GCC2: variants seen among roughly 807,000 people sequenced by gnomAD.
The protein encoded by GCC2 is GRIP and coiled-coil domain containing 2.
A neutral mutation model predicts 210.6 loss-of-function variants in GCC2; 120 were observed. The ratio of observed to expected loss-of-function variants is 0.57; its 90% CI spans 0.49 to 0.66. The LOEUF is 0.66. Ranked by LOEUF, GCC2 falls within the 30% of genes least tolerant of loss-of-function variation. The pLI is 0.00. For missense variants in GCC2, 1,868 were observed against 1,871.9 expected, an observed-to-expected ratio of 1.00 and a Z score of 0.04; for synonymous variants, 703 against 652.7, an observed-to-expected ratio of 1.08 and a Z score of -1.17.
In GCC2 at chr2:108,497,611, T is replaced by C. The variant is rs1438391018; in HGVS notation, c.4782+502T>C. Among the ~76,000 whole-genome samples, 3 of 152,218 alleles carry C rather than the reference T, an allele frequency of 2.0e-5. No individual in the cohort carries two copies. The East Asian group carries it at 5.8e-4, about 29-fold the overall frequency. On this transcript the variant is annotated intron_variant, in intron 21 of 22. Transcript: ENST00000309863. The stretch of plus-strand genomic sequence containing the variant: ...ATTTAAATTATTCAACTGATATTTA[T>C]AGTACTGAACTACTAAACAGTTTTC...
rs1483652197 is a variant in GCC2 at position 108,485,902 on chromosome 2, CTA to C, written c.3789_3790del (p.Tyr1263Ter). ...AGGCAAGCCAGCAGCAAGTAGAAGTCTATAAAGTAAGGGTTTTACTTTTTAAG... is the reference window on the plus strand; with the variant it reads ...AGGCAAGCCAGCAGCAAGTAGAAGTCTAAAGTAAGGGTTTTACTTTTTAAG... ...LEASQQQVEV[Y>X]KIQLAEITSE... On this transcript the variant is annotated frameshift_variant, in exon 15 of 23. Coordinates refer to ENST00000309863, the MANE Select transcript of GCC2 (RefSeq NM_181453.4). LOFTEE classifies it high-confidence loss of function. 1 of 1,541,822 alleles carries C rather than the reference CTA, an allele frequency of 6.5e-7. No homozygotes were observed. The highest frequency in any genetic ancestry group is 8.8e-7 in the Non-Finnish European group (1 of 1,130,208).
chr2:108,463,819 T>A (rs1680727960), intron 4 of GCC2, among the ~76,000 whole-genome samples: 1 of 152,062 alleles, frequency 6.6e-6, no homozygotes, highest in South Asian at 2.1e-4. Context: ...TCAGCATTGG[T>A]TTTGGCAGTG....
At chr2:108,461,829 TC>T (rs1558732576) in intron 4 of GCC2, among the ~76,000 whole-genome samples, 3 of 136,452 alleles carry the variant, frequency 2.2e-5, no homozygotes, top group Admixed American at 7.0e-5. Context: ...TTTTTTTTTT[TC>T]TTTTTCTTTT....
At chr2:108,456,594 A>G (rs1321187724) in intron 4 of GCC2, among the ~76,000 whole-genome samples, 1 of 152,074 alleles carries the variant, frequency 6.6e-6, no homozygotes, top group Non-Finnish European at 1.5e-5. Context: ...TATTAGTCCC[A>G]TATTGGATGA....
intron 4 of GCC2, among the ~76,000 whole-genome samples, chr2:108,454,945 T>C (rs1045526351): frequency 6.7e-6 from 1 of 148,452 alleles, no homozygotes; most frequent in East Asian, 2.0e-4. Context: ...CAGGCTGGAG[T>C]GCAGTGGCGT....
intron 16 of GCC2, among the ~76,000 whole-genome samples, chr2:108,486,892 A>G (rs564922835): frequency 5.8e-4 from 88 of 152,328 alleles, no homozygotes; most frequent in African/African-American, 2.1e-3. Flanking sequence ...TTGTTTTGCA[A>G]TTTATGTGTC....
chr2:108,456,104 C>T (rs778537442), intron 4 of GCC2, among the ~76,000 whole-genome samples: 2 of 152,166 alleles, frequency 1.3e-5, no homozygotes, highest in African/African-American at 4.8e-5. Context: ...TCTGCCTCAG[C>T]GTCCTGAGTA....
intron 22 of GCC2, among the ~76,000 whole-genome samples, chr2:108,504,103 C>G (rs1459433003): frequency 2.0e-5 from 3 of 151,804 alleles, no homozygotes; most frequent in Non-Finnish European, 4.4e-5. Flanking sequence ...GCCTGGACAA[C>G]AGAGTAAAAC....
chr2:108,475,644 A>C lies in GCC2; in HGVS notation c.2961+9A>C, dbSNP rs1038473881. The C allele has an allele frequency of 1.3e-6, 2 of 1,512,680 alleles. No individual in the cohort carries two copies. Among genetic ancestry groups the C allele is most frequent in the South Asian group, 1.2e-5 (1 of 81,584 alleles). 93.7% of individuals were successfully genotyped at this position (1,512,680 alleles called of 1,614,324 possible). Reference sequence around the variant, plus strand: ...ATTCCAGCAGAAAAGAGGTGAGCTGACTTTAAAAATGTAAGATTCCGGAAT... The same window carrying C: ...ATTCCAGCAGAAAAGAGGTGAGCTGCCTTTAAAAATGTAAGATTCCGGAAT... On this transcript the variant is annotated intron_variant, in intron 8 of 22. Coordinates refer to ENST00000309863, the MANE Select transcript of GCC2 (RefSeq NM_181453.4).
Position 108,492,559 on chromosome 2 carries a change from T to A in GCC2, c.4230-14T>A. 6.4e-7 allele frequency: 1 copy of A among 1,550,680 alleles called. No individual in the cohort carries two copies. Among genetic ancestry groups the A allele is most frequent in the Admixed American group, 1.7e-5 (1 of 59,888 alleles). On this transcript the variant is annotated splice_polypyrimidine_tract_variant and intron_variant, in intron 18 of 22. Transcript: ENST00000309863. ...GTTGAAAGATCTTCTGTAACTAAGT[T>A]TCTCATCTTTCAGATTGTGTTCAAT...
rs1381476416 is a variant in GCC2, at chr2:108,508,689, C to T, written c.*1059C>T. 1 of 152,408 alleles carries T rather than the reference C, an allele frequency of 6.6e-6. No homozygotes were observed. The highest frequency in any genetic ancestry group is 1.5e-5 in the Non-Finnish European group (1 of 68,006). 9.4% of individuals were successfully genotyped at this position (152,408 alleles called of 1,614,324 possible). A position where few individuals can be genotyped will look rare whatever the true frequency, so the allele number is the denominator to read the frequency against. On this transcript the variant is annotated 3_prime_UTR_variant, in exon 23 of 23. Coordinates refer to ENST00000309863, the MANE Select transcript of GCC2 (RefSeq NM_181453.4). ...TTTCCATCAGAAGGGATTTTAGACA[C>T]CTTAGAGGTCCGTGCTACATCGTCA... is the stretch of plus-strand genomic sequence containing the variant.
intron 17 of GCC2, among the ~76,000 whole-genome samples, chr2:108,488,737 C>T (rs920284936): frequency 1.3e-5 from 2 of 152,042 alleles, no homozygotes; most frequent in Non-Finnish European, 1.5e-5. Context: ...CTGTGTTGAG[C>T]AGTTCAGTAT....
intron 12 of GCC2, 39 bp from the exon 13 acceptor site, chr2:108,484,110 T>A: frequency 1.4e-6 from 2 of 1,412,266 alleles, no homozygotes; most frequent in East Asian, 2.4e-5. Context: ...AATGAACTGA[T>A]CTACTATTGT....
At chr2:108,484,338 T>G in intron 13 of GCC2, 27 bp downstream of exon 13, 1 of 1,286,672 alleles carries the variant, frequency 7.8e-7, no homozygotes, top group Non-Finnish European at 1.1e-6. Flanking sequence ...TCACTTTACT[T>G]TTTAATTATT....
chr2:108,449,527 C>A, intron 1 of GCC2, 106 bp from the exon 2 acceptor site: 1 of 1,300,384 alleles, frequency 7.7e-7, no homozygotes, highest in South Asian at 1.2e-5. Flanking sequence ...CGAGGCTTTC[C>A]ACCACTTGAT....
Position 108,483,093 on chromosome 2 carries a change from A to C in GCC2, c.3377A>C (p.Glu1126Ala). 1 of 1,591,366 alleles carries C rather than the reference A, an allele frequency of 6.3e-7. No homozygotes were observed. Among genetic ancestry groups the C allele is most frequent in the Non-Finnish European group, 8.6e-7 (1 of 1,159,488 alleles). Reference protein sequence around the residue: ...EHATTVNELEELQVQLQKQKK... With the variant: ...EHATTVNELEALQVQLQKQKK... ...GCCACTACTGTAAATGAACTTGAAG[A>C]ACTTCAGGTACAACTTCAAAAGCAA... Residue 1126 changes from glutamate to alanine, a missense_variant, in exon 12 of 23, where the codon GAA (glutamate) becomes GCA (alanine). Glu to Ala is a moderately radical substitution (Grantham distance 107). Coordinates refer to ENST00000309863, the MANE Select transcript of GCC2 (RefSeq NM_181453.4).
chr2:108,489,057 T>C (rs910289541), intron 17 of GCC2, among the ~76,000 whole-genome samples: 1 of 152,174 alleles, frequency 6.6e-6, no homozygotes, highest in Non-Finnish European at 1.5e-5. Context: ...ATACGTTTTT[T>C]AAAAAAAGAA....
intron 22 of GCC2, among the ~76,000 whole-genome samples, chr2:108,506,783 A>G (rs1390884955): frequency 6.6e-6 from 1 of 152,142 alleles, no homozygotes; most frequent in Non-Finnish European, 1.5e-5. Flanking sequence ...TTATTTTGGT[A>G]TTGTTTAATG....
chr2:108,459,745 C>CTTTTTTTTTTTTTTTTTTTTTTTTTTTT lies in GCC2; in HGVS notation c.216+7285_216+7312dup, dbSNP rs34052393. ...GCCATTAGATAATGACCTTCTTTGTCTTTTTTTTTTTTTTTTTTTTTTTTT... is the reference window on the plus strand; with the variant it reads ...GCCATTAGATAATGACCTTCTTTGTCTTTTTTTTTTTTTTTTTTTTTTTTTTTTTTTTTTTTTTTTTTTTTTTTTTTTT... On this transcript the variant is annotated intron_variant, in intron 4 of 22. Transcript: ENST00000309863. Among the ~76,000 whole-genome samples the CTTTTTTTTTTTTTTTTTTTTTTTTTTTT allele has an allele frequency of 4.1e-4, 11 of 26,782 alleles. 2 individuals are homozygous for CTTTTTTTTTTTTTTTTTTTTTTTTTTTT. The highest frequency in any genetic ancestry group is 7.5e-4 in the Admixed American group (1 of 1,338). The allele number at this position is 26,782 out of a possible 152,430, so 17.6% of individuals were successfully genotyped here.
Sources: allele counts gnomAD v4.1 joint callset (sites outside exome capture counted in the v4.1 genomes callset), GRCh38; gene constraint gnomAD v4.1.1; transcripts MANE v1.5; gene names NCBI Gene and HGNC (gene_info 2026-07-23, HGNC 2026-07-21).